STK40: variants seen among roughly 807,000 people sequenced by gnomAD.
STK40 encodes serine/threonine kinase 40.
A neutral mutation model predicts 47.9 loss-of-function variants in STK40; 13 were observed. That is an observed-to-expected ratio of 0.27 (90% CI 0.18 to 0.43). STK40 has a LOEUF of 0.43. STK40 is among the 20% of genes least tolerant of loss of function. STK40 has a pLI of 1.00. For synonymous variants in STK40, 225 were observed against 243.2 expected (o/e 0.93, Z 0.69); for missense variants, 460 against 595.1 (o/e 0.77, Z 2.36).
intron 1 of STK40, among the ~76,000 whole-genome samples, chr1:36,383,190 C>T (rs999947826): frequency 8.5e-5 from 13 of 152,186 alleles, no homozygotes; most frequent in African/African-American, 3.1e-4. Flanking sequence ...GTGATCTGCC[C>T]ACTTCGGCCT....
chr1:36,346,161 ATTT>A (rs1185151225), intron 7 of STK40, among the ~76,000 whole-genome samples: 1 of 149,898 alleles, frequency 6.7e-6, no homozygotes, highest in Admixed American at 6.7e-5. Context: ...CGCCCGGCTA[ATTT>A]TTTTTATTTT....
intron 6 of STK40, 111 bp downstream of exon 6, chr1:36,354,253 T>C: frequency 8.7e-7 from 1 of 1,150,390 alleles, no homozygotes; most frequent in Non-Finnish European, 1.3e-6. Flanking sequence ...AGGAAGTGGG[T>C]TGTTTTGAGT....
intron 1 of STK40, among the ~76,000 whole-genome samples, chr1:36,368,308 T>C (rs1179496361): frequency 6.6e-6 from 1 of 152,172 alleles, no homozygotes; most frequent in Non-Finnish European, 1.5e-5. Context: ...AGGGTCTTGC[T>C]CTGTCACCCA....
chr1:36,360,940 G>C (rs1368347313), intron 2 of STK40, among the ~76,000 whole-genome samples: 1 of 152,200 alleles, frequency 6.6e-6, no homozygotes, highest in African/African-American at 2.4e-5. Flanking sequence ...TCTGGGGGGA[G>C]AGTCGGAGCC....
At chr1:36,367,083 G>A (rs946439946) in intron 1 of STK40, among the ~76,000 whole-genome samples, 2 of 150,426 alleles carry the variant, frequency 1.3e-5, no homozygotes, top group Non-Finnish European at 3.0e-5. Context: ...CCTGACCTTA[G>A]GTAATCCGCC....
chr1:36,377,516 G>A (rs1216156023), intron 1 of STK40, among the ~76,000 whole-genome samples: 1 of 132,890 alleles, frequency 7.5e-6, no homozygotes, highest in Non-Finnish European at 1.5e-5. Context: ...CTGGGCAACA[G>A]AGTGAGACTC....
chr1:36,351,827 G>A (rs947085100), intron 6 of STK40, among the ~76,000 whole-genome samples: 1 of 152,230 alleles, frequency 6.6e-6, no homozygotes, highest in Non-Finnish European at 1.5e-5. Flanking sequence ...TAGCAGGCAT[G>A]AGCCCGGCAA....
At chr1:36,344,003 G>A in intron 8 of STK40, 24 bp from the exon 9 acceptor site, 1 of 1,597,170 alleles carries the variant, frequency 6.3e-7, no homozygotes, top group Non-Finnish European at 8.6e-7. Context: ...TTGGGGAGGA[G>A]GGCTCAGTGG....
At position 36,377,532 on chromosome 1, in the gene STK40, C is replaced by CAAAAAA. The variant is rs746089027; in HGVS notation, c.-9+8185_-9+8190dup. Among the ~76,000 whole-genome samples, 19 of 35,484 alleles carry CAAAAAA rather than the reference C, an allele frequency of 5.4e-4. 1 individual carries two copies. Among genetic ancestry groups the CAAAAAA allele is most frequent in the African/African-American group, 1.1e-3 (14 of 12,346 alleles). 23.3% of individuals were successfully genotyped at this position (35,484 alleles called of 152,430 possible). On this transcript the variant is annotated intron_variant, in intron 1 of 10. Transcript: ENST00000373132. ...TGGGCAACAGAGTGAGACTCCGTCT[C>CAAAAAA]AAAAAAAAAAAAAAAAAAAAAAAAA...
chr1:36,355,324 T>C lies in STK40; in HGVS notation c.452A>G (p.Asp151Gly). Reference protein sequence around the residue: ...LDCLCAHDFSDKTADLINLQH... With the variant: ...LDCLCAHDFSGKTADLINLQH... ...CAGGTTGATGAGGTCAGCGGTCTTA[T>C]CGCTGAAGTCATGAGCACAGAGGCA... is the stretch of plus-strand genomic sequence containing the variant. The change falls in exon 5 of 11, where the codon GAT becomes GGT. Residue 151 changes from aspartate (D) to glycine (G), a missense_variant. Physicochemically the swap from Asp to Gly is moderately conservative, Grantham distance 94. Coordinates refer to ENST00000373132, the MANE Select transcript of STK40 (RefSeq NM_001282547.2). The C allele has an allele frequency of 6.2e-7, 1 of 1,614,118 alleles. No individual in the cohort carries two copies. The highest frequency in any genetic ancestry group is 8.5e-7 in the Non-Finnish European group (1 of 1,180,012).
Position 36,362,110 on chromosome 1 carries a change from GATAA to G in STK40, c.-8-774_-8-771del, listed in dbSNP as rs1396477032. 2.0e-5 allele frequency among the ~76,000 whole-genome samples: 3 copies of G among 152,328 alleles called. No homozygotes were observed. In the East Asian group the frequency reaches 5.8e-4, roughly 29 times the overall value. ...GATCACTGAGCACTCTGATTTGCCT[GATAA>G]TCCCGAGATCCTCCTGCGTAAAAAT... On this transcript the variant is annotated intron_variant, in intron 1 of 10. Transcript: ENST00000373132.
At chr1:36,377,608 G>A (rs1289951318) in intron 1 of STK40, among the ~76,000 whole-genome samples, 1 of 151,810 alleles carries the variant, frequency 6.6e-6, no homozygotes, top group Non-Finnish European at 1.5e-5. Flanking sequence ...AGACTTGAGA[G>A]AGTATGGCCT....
chr1:36,358,930 C>T (rs1646829090), intron 2 of STK40, 108 bp from the exon 3 acceptor site: 6 of 1,218,278 alleles, frequency 4.9e-6, no homozygotes, highest in African/African-American at 1.5e-5. Context: ...GGCACCATAG[C>T]TCATGTGTAC....
chr1:36,364,988 C>CTTTTTTTT (rs747047937), intron 1 of STK40, among the ~76,000 whole-genome samples: 4 of 126,926 alleles, frequency 3.2e-5, no homozygotes, highest in African/African-American at 9.3e-5. Flanking sequence ...GGTCCTTATT[C>CTTTTTTTT]TTTTTTTTTT....
intron 6 of STK40, among the ~76,000 whole-genome samples, chr1:36,352,781 A>G (rs1289842046): frequency 6.6e-6 from 1 of 152,146 alleles, no homozygotes; most frequent in Non-Finnish European, 1.5e-5. Context: ...TCCTCCACAC[A>G]TGATACCATC....
chr1:36,358,093 A>T, intron 4 of STK40, 146 bp downstream of exon 4: 1 of 1,019,816 alleles, frequency 9.8e-7, no homozygotes, highest in Non-Finnish European at 1.3e-6. Context: ...AGCCCATCTC[A>T]CCCACCCTGG....
chr1:36,376,852 T>C (rs998675865), intron 1 of STK40, among the ~76,000 whole-genome samples: 2 of 151,848 alleles, frequency 1.3e-5, no homozygotes, highest in Admixed American at 6.6e-5. Context: ...TCTCGGCTCA[T>C]TGTAACTATC....
At chr1:36,379,997 A>C (rs74628160) in intron 1 of STK40, among the ~76,000 whole-genome samples, 15,779 of 152,246 alleles carry the variant, frequency 0.1, 952 homozygotes, top group Middle Eastern at 0.26. Context: ...GAGCTTGTTG[A>C]ATAAATTACA....
At position 36,383,591 on chromosome 1, in the gene STK40, C is replaced by T. The variant is rs77471233; in HGVS notation, c.-9+2132G>A. 5.5e-3 allele frequency among the ~76,000 whole-genome samples: 832 copies of T among 152,314 alleles called. 4 individuals carry two copies. The highest frequency in any genetic ancestry group is 0.019 in the African/African-American group (798 of 41,564). ...CCCTTCAGTCGCTCCTGTCCTCCTC[C>T]TTCCCTCCTCTACTGGGACTCCAGT... On this transcript the variant is annotated intron_variant, in intron 1 of 10. Transcript: ENST00000373132.
Sources: gnomAD v4.1 joint callset for allele counts (sites outside exome capture counted in the v4.1 genomes callset) on GRCh38, gnomAD v4.1.1 for gene constraint, MANE v1.5 for transcripts, NCBI Gene and HGNC (gene_info 2026-07-23, HGNC 2026-07-21) for gene names.